TXNDC16: variants seen among roughly 807,000 people sequenced by gnomAD.
TXNDC16 encodes thioredoxin domain-containing protein 16.
A neutral mutation model predicts 85.6 loss-of-function variants in TXNDC16; 74 were observed. That is an observed-to-expected ratio of 0.86 (90% CI 0.72 to 1.05). The LOEUF (loss-of-function observed/expected upper bound fraction) is 1.05. Ranked by LOEUF, TXNDC16 falls within the 50% of genes least tolerant of loss-of-function variation. The pLI is 0.00. For synonymous variants in TXNDC16, 335 were observed against 326.5 expected (o/e 1.03, Z -0.28); for missense variants, 959 against 947.0 (o/e 1.01, Z -0.17).
intron 18 of TXNDC16, among the ~76,000 whole-genome samples, chr14:52,448,280 A>T (rs1332733092): frequency 5.9e-5 from 9 of 152,082 alleles, no homozygotes; most frequent in Admixed American, 2.0e-4. Context: ...AAAAAAAAGG[A>T]TCCTAAAAGC....
chr14:52,546,421 C>A (rs1234451252), intron 1 of TXNDC16, among the ~76,000 whole-genome samples: 1 of 152,200 alleles, frequency 6.6e-6, no homozygotes, highest in African/African-American at 2.4e-5. Flanking sequence ...GTTCTCCTTG[C>A]AGTTACTAAT....
In TXNDC16 at chr14:52,526,034, T is replaced by G. The variant is rs532805966; in HGVS notation, c.393-6741A>C. ...TATATTTGATTGCCTTTTTCAAATA[T>G]TTTTGATCCGCTTATGGTTGAATCC... is the stretch of plus-strand genomic sequence containing the variant. On this transcript the variant is annotated intron_variant, in intron 6 of 20. Coordinates refer to ENST00000281741, the MANE Select transcript of TXNDC16 (RefSeq NM_020784.3). Among the ~76,000 whole-genome samples, 3 of 152,286 alleles carry G rather than the reference T, an allele frequency of 2.0e-5. No individual in the cohort carries two copies. The South Asian group carries it at 6.2e-4, about 32-fold the overall frequency.
At chr14:52,524,625 A>G (rs2037284412) in intron 6 of TXNDC16, among the ~76,000 whole-genome samples, 1 of 152,108 alleles carries the variant, frequency 6.6e-6, no homozygotes, top group African/African-American at 2.4e-5. Flanking sequence ...CTGAGTAACT[A>G]GGACAACAGG....
At chr14:52,488,096 C>G (rs1486196616) in intron 12 of TXNDC16, among the ~76,000 whole-genome samples, 1 of 152,166 alleles carries the variant, frequency 6.6e-6, no homozygotes, top group Non-Finnish European at 1.5e-5. Flanking sequence ...GCTGAAAGAA[C>G]TGATATGGAA....
At chr14:52,460,022 C>T (rs2035617794) in intron 16 of TXNDC16, among the ~76,000 whole-genome samples, 1 of 152,162 alleles carries the variant, frequency 6.6e-6, no homozygotes, top group Non-Finnish European at 1.5e-5. Flanking sequence ...TCTTTCACCA[C>T]TCTTACCCAA....
At chr14:52,511,660 A>G (rs887992851) in intron 8 of TXNDC16, among the ~76,000 whole-genome samples, 5 of 152,170 alleles carry the variant, frequency 3.3e-5, no homozygotes, top group Non-Finnish European at 7.4e-5. Flanking sequence ...TTTCTAAATT[A>G]TAATAGGTTA....
At chr14:52,459,320 T>C (rs1055067061) in intron 16 of TXNDC16, among the ~76,000 whole-genome samples, 4 of 151,940 alleles carry the variant, frequency 2.6e-5, no homozygotes, top group African/African-American at 9.7e-5. Context: ...CTAGAAAACC[T>C]GAAAGAGATG....
intron 13 of TXNDC16, 22 bp downstream of exon 13, chr14:52,482,800 T>G: frequency 6.4e-7 from 1 of 1,566,658 alleles, no homozygotes; most frequent in Non-Finnish European, 8.6e-7. Context: ...TATGTAACAG[T>G]CCTCTAAAGG....
intron 14 of TXNDC16, among the ~76,000 whole-genome samples, chr14:52,474,118 A>G (rs982273615): frequency 6.6e-6 from 1 of 152,246 alleles, no homozygotes; most frequent in Non-Finnish European, 1.5e-5. Context: ...TATTCTACAA[A>G]CACATACAAC....
At chr14:52,517,333 C>T (rs2140190154) in intron 7 of TXNDC16, among the ~76,000 whole-genome samples, 1 of 152,128 alleles carries the variant, frequency 6.6e-6, no homozygotes. Context: ...GGAGGGAAGC[C>T]AAAACAAGCT....
chr14:52,537,408 C>T (rs73296746), intron 5 of TXNDC16, among the ~76,000 whole-genome samples, 191 bp downstream of exon 5: 1,601 of 152,230 alleles, frequency 0.011, 18 homozygotes, highest in African/African-American at 0.036. Context: ...AGGTATTACT[C>T]TCTGTTTTAT....
chr14:52,506,952 A>G (rs2036824056), intron 9 of TXNDC16, among the ~76,000 whole-genome samples: 1 of 151,798 alleles, frequency 6.6e-6, no homozygotes, highest in Non-Finnish European at 1.5e-5. Context: ...CCCACAGCCA[A>G]TATCATACTG....
chr14:52,502,874 C>T (rs2036694881), intron 9 of TXNDC16, among the ~76,000 whole-genome samples: 1 of 152,198 alleles, frequency 6.6e-6, no homozygotes, highest in Non-Finnish European at 1.5e-5. Context: ...TCACTCCCAC[C>T]CTAACACTGC....
chr14:52,489,387 T>C (rs1478548509), intron 11 of TXNDC16, among the ~76,000 whole-genome samples: 1 of 152,204 alleles, frequency 6.6e-6, no homozygotes, highest in African/African-American at 2.4e-5. Context: ...TTTAGGCCAC[T>C]AGATTATTTT....
chr14:52,530,462 ATATT>A (rs1163161367), intron 6 of TXNDC16, among the ~76,000 whole-genome samples: 1 of 11,578 alleles, frequency 8.6e-5, no homozygotes, highest in African/African-American at 5.0e-4. Flanking sequence ...ATAATAATAT[ATATT>A]ATATATTATT....
In TXNDC16 at chr14:52,514,979, G is replaced by A. The variant is rs762729812; in HGVS notation, c.515-9C>T. ...CATGACTGCTCTGTGCTCTGAAGAA[G>A]AGATAAAGGGAGTTGGAAGACAGGA... On this transcript the variant is annotated splice_polypyrimidine_tract_variant and intron_variant, in intron 7 of 20. Coordinates refer to ENST00000281741, the MANE Select transcript of TXNDC16 (RefSeq NM_020784.3). 1 of 1,598,904 alleles carries A rather than the reference G, an allele frequency of 6.3e-7. No individual in the cohort carries two copies.
Position 52,490,918 on chromosome 14 carries a change from T to G in TXNDC16, c.844A>C (p.Thr282Pro), listed in dbSNP as rs566518286. 4 of 1,612,778 alleles carry G rather than the reference T, an allele frequency of 2.5e-6. No homozygotes were observed. The African/African-American group carries it at 5.4e-5, about 22-fold the overall frequency. ...PLVFIVSQQA[T>P]YEADRRTAEW... ...GCAGTTCTTCTATCAGCTTCATAAG[T>G]AGCCTGTTGGCTAACAATAAAAACC... Residue 282 changes from threonine (T) to proline (P), a missense_variant, in exon 10 of 21, where the codon ACT becomes CCT. By Grantham distance (38) the Thr-to-Pro change is conservative (BLOSUM62 -1). Coordinates refer to ENST00000281741, the MANE Select transcript of TXNDC16 (RefSeq NM_020784.3).
chr14:52,521,165 T>A (rs8004708), intron 6 of TXNDC16, among the ~76,000 whole-genome samples: 20,703 of 151,794 alleles, frequency 0.14, 1,476 homozygotes, highest in Non-Finnish European at 0.15. Context: ...CGGGCTAGAG[T>A]GCAGTGGCAC....
chr14:52,516,843 G>A (rs78620164), intron 7 of TXNDC16, among the ~76,000 whole-genome samples: 15,288 of 151,972 alleles, frequency 0.1, 842 homozygotes, highest in South Asian at 0.14. Flanking sequence ...ATCACTTCCC[G>A]TCATTCCATG....
Sources: gnomAD v4.1 joint callset for allele counts (sites outside exome capture counted in the v4.1 genomes callset) on GRCh38, gnomAD v4.1.1 for gene constraint, MANE v1.5 for transcripts, NCBI Gene and HGNC (gene_info 2026-07-23, HGNC 2026-07-21) for gene names.